The following ZCCHC2 variants were observed in gnomAD, a reference collection of about 807,000 sequenced individuals.
The protein encoded by ZCCHC2 is zinc finger CCHC domain-containing protein 2.
A neutral mutation model predicts 103.6 loss-of-function variants in ZCCHC2; 39 were observed. The ratio of observed to expected loss-of-function variants is 0.38; its 90% CI spans 0.29 to 0.49. The LOEUF is 0.49. Among genes scored for constraint, ZCCHC2 ranks in the 20% least tolerant of loss-of-function variants. The pLI, the probability that ZCCHC2 is intolerant of heterozygous loss-of-function variation, is 0.96. For synonymous variants in ZCCHC2, 687 were observed against 608.9 expected (o/e 1.13, Z -1.89); for missense variants, 1,483 against 1,491.0 (o/e 0.99, Z 0.09).
intron 4 of ZCCHC2, among the ~76,000 whole-genome samples, chr18:62,548,859 A>C (rs1915532758): frequency 6.6e-6 from 1 of 152,128 alleles, no homozygotes; most frequent in African/African-American, 2.4e-5. Context: ...CAGAAGGCAG[A>C]GGTTGCAGTG....
In ZCCHC2 at chr18:62,523,376, G is replaced by GGGGGGC; in HGVS notation, c.-49_-48insGGGGGC. On this transcript the variant is annotated 5_prime_UTR_variant, in exon 1 of 14. Transcript: ENST00000269499. ...GCCTCGGCCCGTGCTCCACCTCGCG[G>GGGGGGC]CCCCTCCCGCCCGCCCCCGCTCGCA... 6.0e-5 allele frequency: 61 copies of GGGGGGC among 1,012,266 alleles called. No individual in the cohort carries two copies. Among genetic ancestry groups the GGGGGGC allele is most frequent in the South Asian group, 7.4e-5 (2 of 27,158 alleles). 62.7% of individuals were successfully genotyped at this position (1,012,266 alleles called of 1,614,324 possible).
At chr18:62,539,558 C>A in intron 1 of ZCCHC2, 123 bp from the exon 2 acceptor site, 1 of 668,510 alleles carries the variant, frequency 1.5e-6, no homozygotes, top group Non-Finnish European at 2.6e-6. Context: ...AGTGTGCAGT[C>A]ACCTATTGGA....
chr18:62,566,172 G>A (rs954836993), intron 11 of ZCCHC2, among the ~76,000 whole-genome samples: 6 of 152,186 alleles, frequency 3.9e-5, no homozygotes, highest in African/African-American at 1.4e-4. Context: ...TTGAACCCGG[G>A]AGGCAGAGGT....
intron 5 of ZCCHC2, among the ~76,000 whole-genome samples, chr18:62,554,994 T>G (rs889762133): frequency 2.6e-5 from 4 of 152,220 alleles, no homozygotes; most frequent in Admixed American, 1.3e-4. Flanking sequence ...GGGGAGAAAT[T>G]AATTGAAATT....
At chr18:62,542,236 A>G (rs1915220968) in intron 2 of ZCCHC2, among the ~76,000 whole-genome samples, 1 of 152,200 alleles carries the variant, frequency 6.6e-6, no homozygotes, top group Admixed American at 6.5e-5. Context: ...CTTTGGTGTT[A>G]ATAGAGTGTT....
At position 62,523,775 on chromosome 18, in the gene ZCCHC2, G is replaced by C. The variant is rs1914188703; in HGVS notation, c.351G>C (p.Gly117=). The part of the protein sequence containing the change: ...GSAQRLEFMC[G]LLDLCNPLEL... ...CGCAGCGCCTGGAGTTCATGTGCGG[G>C]CTGCTGGACCTGTGCAACCCGCTGG... is the stretch of plus-strand genomic sequence containing the variant. Residue 117 remains glycine, a synonymous_variant, in exon 1 of 14, where the codon GGG becomes GGC. Transcript: ENST00000269499. The C allele has an allele frequency of 2.0e-6, 3 of 1,537,308 alleles. No individual in the cohort carries two copies. Among genetic ancestry groups the C allele is most frequent in the African/African-American group, 2.8e-5 (2 of 72,376 alleles).
intron 7 of ZCCHC2, among the ~76,000 whole-genome samples, chr18:62,559,183 T>C (rs1916016500): frequency 6.6e-6 from 1 of 152,212 alleles, no homozygotes; most frequent in South Asian, 2.1e-4. Flanking sequence ...CTTAATAAAT[T>C]AGAGCTTCTC....
At chr18:62,531,979 G>T (rs1465519309) in intron 1 of ZCCHC2, among the ~76,000 whole-genome samples, 1 of 152,056 alleles carries the variant, frequency 6.6e-6, no homozygotes, top group Non-Finnish European at 1.5e-5. Context: ...GTGAGACGCT[G>T]TTTCAAAAAG....
chr18:62,565,933 A>G (rs1342144263), intron 11 of ZCCHC2, among the ~76,000 whole-genome samples: 6 of 152,200 alleles, frequency 3.9e-5, no homozygotes, highest in Non-Finnish European at 5.9e-5. Context: ...AAGAAAAAAA[A>G]TAGTTACCTT....
rs1473602677 is a variant in ZCCHC2 at position 62,574,526 on chromosome 18, A to G, written c.2445A>G (p.Leu815=). ...TPALHLTVQR[L]KLPPPQGSSE... is the part of the protein sequence containing the mutation. ...CTTTGCATCTTACAGTTCAGAGGCT[A>G]AAGTTGCCACCACCACAGGGATCTT... Residue 815 remains leucine, a synonymous_variant, in exon 13 of 14, where the codon CTA becomes CTG. Coordinates refer to ENST00000269499, the MANE Select transcript of ZCCHC2 (RefSeq NM_017742.6). The G allele has an allele frequency of 1.9e-6, 3 of 1,614,006 alleles. No individual in the cohort carries two copies. Among genetic ancestry groups the G allele is most frequent in the Non-Finnish European group, 2.5e-6 (3 of 1,179,892 alleles).
In ZCCHC2 at chr18:62,578,203, C is replaced by G. The variant is rs552697027; in HGVS notation, c.*1624C>G. 3.3e-5 allele frequency: 5 copies of G among 152,510 alleles called. No homozygotes were observed. In the South Asian group the frequency reaches 8.3e-4, roughly 25 times the overall value. The allele number at this position is 152,510 out of a possible 1,614,324, so 9.4% of individuals were successfully genotyped here. ...GTGGGTGTGAAGGGGTAGATGAAAGCTTTAATTTAGAAAGAAAGTTCAAGT... is the reference window on the plus strand; with the variant it reads ...GTGGGTGTGAAGGGGTAGATGAAAGGTTTAATTTAGAAAGAAAGTTCAAGT... On this transcript the variant is annotated 3_prime_UTR_variant, in exon 14 of 14. Coordinates refer to ENST00000269499, the MANE Select transcript of ZCCHC2 (RefSeq NM_017742.6).
intron 6 of ZCCHC2, among the ~76,000 whole-genome samples, chr18:62,556,753 G>A (rs1915901213): frequency 6.6e-6 from 1 of 152,084 alleles, no homozygotes; most frequent in Non-Finnish European, 1.5e-5. Context: ...GACAAAGGAT[G>A]TCTTCCTTTA....
chr18:62,547,016 T>G (rs1050933874), intron 4 of ZCCHC2, among the ~76,000 whole-genome samples: 1 of 152,166 alleles, frequency 6.6e-6, no homozygotes, highest in Non-Finnish European at 1.5e-5. Flanking sequence ...ACCTTCTTTT[T>G]AACATCATCT....
intron 3 of ZCCHC2, among the ~76,000 whole-genome samples, chr18:62,543,905 A>G (rs1019513091): frequency 6.6e-6 from 1 of 152,226 alleles, no homozygotes. Flanking sequence ...TAGCTGCTCC[A>G]CAAACATTTG....
At chr18:62,554,982 T>TG (rs1464592433) in intron 5 of ZCCHC2, among the ~76,000 whole-genome samples, 1 of 152,144 alleles carries the variant, frequency 6.6e-6, no homozygotes, top group Non-Finnish European at 1.5e-5. Flanking sequence ...TCAAAAACCT[T>TG]GGGGGAGAAA....
intron 1 of ZCCHC2, among the ~76,000 whole-genome samples, chr18:62,528,400 C>T (rs1018637914): frequency 6.6e-6 from 1 of 152,122 alleles, no homozygotes; most frequent in Admixed American, 6.5e-5. Context: ...CGAGACCAGC[C>T]TGGCCAGTAT....
At chr18:62,540,624 T>C (rs1247092030) in intron 2 of ZCCHC2, among the ~76,000 whole-genome samples, 2 of 152,192 alleles carry the variant, frequency 1.3e-5, no homozygotes, top group East Asian at 3.8e-4. Flanking sequence ...GCTAAACTCA[T>C]TGAACATACG....
Position 62,576,606 on chromosome 18 carries a change from C to A in ZCCHC2, c.*27C>A, listed in dbSNP as rs777076620. Reference sequence around the variant, plus strand: ...ACGAGTAAAGCTTGCCTACTTAATACACTCAAGTGTGGGGAGTCATGGGGT... The same window carrying A: ...ACGAGTAAAGCTTGCCTACTTAATAAACTCAAGTGTGGGGAGTCATGGGGT... On this transcript the variant is annotated 3_prime_UTR_variant, in exon 14 of 14. Coordinates refer to ENST00000269499, the MANE Select transcript of ZCCHC2 (RefSeq NM_017742.6). 4 of 1,603,146 alleles carry A rather than the reference C, an allele frequency of 2.5e-6. No homozygotes were observed. Among genetic ancestry groups the A allele is most frequent in the Non-Finnish European group, 3.4e-6 (4 of 1,170,768 alleles).
chr18:62,567,590 C>T (rs1468377042), intron 11 of ZCCHC2, among the ~76,000 whole-genome samples: 1 of 152,088 alleles, frequency 6.6e-6, no homozygotes, highest in Non-Finnish European at 1.5e-5. Context: ...TGTTAAAACC[C>T]AAGCTTTCTG....
Sources: gnomAD v4.1 joint callset for allele counts (sites outside exome capture counted in the v4.1 genomes callset) on GRCh38, gnomAD v4.1.1 for gene constraint, MANE v1.5 for transcripts, NCBI Gene and HGNC (gene_info 2026-07-23, HGNC 2026-07-21) for gene names.